The following CDIN1 variants were observed in gnomAD, a reference collection of about 807,000 sequenced individuals.
CDIN1 encodes the protein CDAN1 interacting nuclease 1.
Under a neutral mutation model 45.3 loss-of-function variants are expected in CDIN1, and 33 were observed. The ratio of observed to expected loss-of-function variants is 0.73; its 90% CI spans 0.55 to 0.97. The LOEUF (loss-of-function observed/expected upper bound fraction) is 0.97, where lower values mean the gene tolerates loss of function less well. CDIN1 is among the 50% of genes least tolerant of loss of function. CDIN1 has a pLI of 0.00. For missense variants in CDIN1, 303 were observed against 339.4 expected, an observed-to-expected ratio of 0.89 and a Z score of 0.84; for synonymous variants, 118 against 124.4, an observed-to-expected ratio of 0.95 and a Z score of 0.34.
At chr15:36,626,582 G>A (rs2039437156) in intron 1 of CDIN1, 3 of 252,330 alleles carry the variant, frequency 1.2e-5, no homozygotes, top group South Asian at 9.0e-5. Context: ...GCGACTAATA[G>A]CAAGCAATAT....
chr15:36,604,186 T>G (rs926655838), intron 1 of CDIN1, among the ~76,000 whole-genome samples: 9 of 152,162 alleles, frequency 5.9e-5, no homozygotes, highest in Non-Finnish European at 1.2e-4. Flanking sequence ...CACACCACTA[T>G]GTGCACTTGA....
intron 10 of CDIN1, among the ~76,000 whole-genome samples, chr15:36,776,355 A>T (rs951956529): frequency 6.6e-6 from 1 of 152,206 alleles, no homozygotes; most frequent in African/African-American, 2.4e-5. Context: ...CCACCAATGA[A>T]CACCTGAACT....
At chr15:36,616,085 TCTC>T (rs1180562414) in intron 1 of CDIN1, among the ~76,000 whole-genome samples, 4 of 152,152 alleles carry the variant, frequency 2.6e-5, no homozygotes, top group Admixed American at 1.3e-4. Flanking sequence ...TCTTCCTTCT[TCTC>T]ATTATCTGGA....
chr15:36,595,677 T>C (rs916414778), intron 1 of CDIN1, among the ~76,000 whole-genome samples: 4 of 152,182 alleles, frequency 2.6e-5, no homozygotes, highest in Non-Finnish European at 4.4e-5. Flanking sequence ...TGAGGTTTGA[T>C]GATTGGAATG....
At chr15:36,650,004 C>T (rs1464478487) in intron 3 of CDIN1, among the ~76,000 whole-genome samples, 1 of 152,194 alleles carries the variant, frequency 6.6e-6, no homozygotes, top group African/African-American at 2.4e-5. Context: ...CTATTTTTAT[C>T]ACATATGTTA....
At chr15:36,741,146 TTAAA>T (rs2044223513) in intron 10 of CDIN1, among the ~76,000 whole-genome samples, 1 of 152,068 alleles carries the variant, frequency 6.6e-6, no homozygotes, top group Non-Finnish European at 1.5e-5. Context: ...CTCCTACACT[TTAAA>T]TAGTGACAAT....
At chr15:36,679,248 G>GAATA (rs1222334219) in intron 5 of CDIN1, among the ~76,000 whole-genome samples, 1 of 152,178 alleles carries the variant, frequency 6.6e-6, no homozygotes, top group African/African-American at 2.4e-5. Flanking sequence ...TTTGCCTGTT[G>GAATA]AATAGATTGA....
At chr15:36,725,482 A>G (rs116266186) in intron 10 of CDIN1, among the ~76,000 whole-genome samples, 62 of 152,292 alleles carry the variant, frequency 4.1e-4, no homozygotes, top group African/African-American at 1.4e-3. Context: ...TCTGTGTGCT[A>G]TCTTATGTTT....
chr15:36,712,388 C>G (rs566825527), intron 10 of CDIN1, among the ~76,000 whole-genome samples: 3 of 150,146 alleles, frequency 2.0e-5, no homozygotes, highest in Non-Finnish European at 4.4e-5. Context: ...GCCTCAGCCT[C>G]CCAGGTAGCT....
intron 1 of CDIN1, among the ~76,000 whole-genome samples, chr15:36,585,449 G>C (rs2037250213): frequency 6.6e-6 from 1 of 152,132 alleles, no homozygotes; most frequent in South Asian, 2.1e-4. Flanking sequence ...CTTTTGAAGA[G>C]TACTGGTCAA....
intron 10 of CDIN1, among the ~76,000 whole-genome samples, chr15:36,748,651 C>T (rs2053365814): frequency 6.6e-6 from 1 of 151,872 alleles, no homozygotes; most frequent in Non-Finnish European, 1.5e-5. Context: ...GATTTAGGTA[C>T]CAAAAAAGTA....
chr15:36,673,954 A>T (rs1294006660), intron 5 of CDIN1, among the ~76,000 whole-genome samples: 2 of 152,018 alleles, frequency 1.3e-5, no homozygotes, highest in Admixed American at 6.6e-5. Context: ...AAGTAACGGA[A>T]TTTTTCTCTA....
chr15:36,681,577 G>A (rs950125370), intron 5 of CDIN1, among the ~76,000 whole-genome samples: 7 of 152,130 alleles, frequency 4.6e-5, no homozygotes, highest in South Asian at 4.2e-4. Flanking sequence ...CCAAGCAGAC[G>A]AAATACAAAT....
At chr15:36,618,105 C>T (rs1411417171) in intron 1 of CDIN1, 4 of 735,522 alleles carry the variant, frequency 5.4e-6, no homozygotes, top group Non-Finnish European at 9.9e-6. Context: ...ACACCACTGG[C>T]CCGCTTTCCC....
At chr15:36,590,144 C>T (rs2037506978) in intron 1 of CDIN1, among the ~76,000 whole-genome samples, 1 of 152,134 alleles carries the variant, frequency 6.6e-6, no homozygotes. Flanking sequence ...TCTATTCATT[C>T]TGGCTTCGTG....
chr15:36,712,485 C>T (rs1416885404), intron 10 of CDIN1, among the ~76,000 whole-genome samples: 1 of 151,828 alleles, frequency 6.6e-6, no homozygotes, highest in African/African-American at 2.4e-5. Context: ...AGTCTGGTCT[C>T]GAACTCCTGA....
intron 10 of CDIN1, among the ~76,000 whole-genome samples, chr15:36,726,964 A>G (rs560702167): frequency 6.6e-6 from 1 of 152,294 alleles, no homozygotes; most frequent in South Asian, 2.1e-4. Flanking sequence ...GGCATTCTAT[A>G]TATATCTTTC....
chr15:36,649,518 G>GA (rs1024203135), intron 3 of CDIN1, among the ~76,000 whole-genome samples: 3 of 152,126 alleles, frequency 2.0e-5, no homozygotes, highest in African/African-American at 7.2e-5. Context: ...GGTCCTCAGA[G>GA]AAGGCCCATT....
At chr15:36,800,174 C>T (rs2054963672) in intron 10 of CDIN1, among the ~76,000 whole-genome samples, 1 of 151,956 alleles carries the variant, frequency 6.6e-6, no homozygotes, top group African/African-American at 2.4e-5. Flanking sequence ...TTTTTATTTT[C>T]AAAATTATAG....
Sources: gnomAD v4.1 joint callset for allele counts (sites outside exome capture counted in the v4.1 genomes callset) on GRCh38, gnomAD v4.1.1 for gene constraint, MANE v1.5 for transcripts, NCBI Gene and HGNC (gene_info 2026-07-23, HGNC 2026-07-21) for gene names.